RALYL: variants seen among roughly 807,000 people sequenced by gnomAD.
RALYL encodes the protein RNA-binding Raly-like protein.
RALYL carries 29 observed loss-of-function variants against 35.1 expected under a neutral mutation model. The ratio of observed to expected loss-of-function variants is 0.83; its 90% CI spans 0.61 to 1.13. RALYL has a LOEUF of 1.13. Among genes scored for constraint, RALYL ranks in the 50% most tolerant of loss-of-function variants. The pLI, the probability that RALYL is intolerant of heterozygous loss-of-function variation, is 0.00. For missense variants in RALYL, 359 were observed against 360.4 expected (o/e 1.00, Z 0.03); for synonymous variants, 120 against 127.6 (o/e 0.94, Z 0.40).
At chr8:84,303,401 A>T (rs1353418000) in intron 1 of RALYL, among the ~76,000 whole-genome samples, 1 of 152,202 alleles carries the variant, frequency 6.6e-6, no homozygotes, top group East Asian at 1.9e-4. Context: ...ATAGCTTTAC[A>T]AGTGTGTCTT....
chr8:84,356,181 T>A (rs1199326610), intron 1 of RALYL, among the ~76,000 whole-genome samples: 1 of 150,422 alleles, frequency 6.6e-6, no homozygotes, highest in Non-Finnish European at 1.5e-5. Flanking sequence ...CAATTAAACC[T>A]CTTTTCTTCA....
chr8:84,336,844 T>G (rs945809061), intron 1 of RALYL, among the ~76,000 whole-genome samples: 1 of 151,948 alleles, frequency 6.6e-6, no homozygotes, highest in Non-Finnish European at 1.5e-5. Context: ...TGATGCGCAA[T>G]GTAGTGGAGC....
At chr8:84,759,578 G>C (rs1420574258) in intron 2 of RALYL, among the ~76,000 whole-genome samples, 2 of 152,122 alleles carry the variant, frequency 1.3e-5, no homozygotes, top group Non-Finnish European at 2.9e-5. Context: ...ACTGGGTTTA[G>C]TTTAAGAAAT....
intron 1 of RALYL, among the ~76,000 whole-genome samples, chr8:84,523,930 G>A (rs1401040864): frequency 2.0e-5 from 3 of 151,966 alleles, no homozygotes; most frequent in Non-Finnish European, 4.4e-5. Context: ...GGACATTTGG[G>A]TTGGTTCTAA....
chr8:84,825,872 C>G (rs919033851), intron 4 of RALYL, among the ~76,000 whole-genome samples: 1 of 151,828 alleles, frequency 6.6e-6, no homozygotes, highest in Non-Finnish European at 1.5e-5. Context: ...TCTCAAAAAC[C>G]AAAAATATAG....
At position 84,447,373 on chromosome 8, in the gene RALYL, G is replaced by A. The variant is rs376259896; in HGVS notation, c.-23-81926G>A. Among the ~76,000 whole-genome samples the A allele has an allele frequency of 4.6e-5, 7 of 151,808 alleles. No individual in the cohort carries two copies. The East Asian group carries it at 7.8e-4, about 17-fold the overall frequency. On this transcript the variant is annotated intron_variant, in intron 1 of 8. Coordinates refer to ENST00000521268, the MANE Select transcript of RALYL (RefSeq NM_173848.7). ...TATTCCTGCATTCCTCTCTGTTTTG[G>A]GTGATACCTAAATGCGTGGCCTGCT... is the stretch of plus-strand genomic sequence containing the variant.
chr8:84,669,696 T>C (rs1388438844), intron 2 of RALYL, among the ~76,000 whole-genome samples: 2 of 152,070 alleles, frequency 1.3e-5, no homozygotes, highest in Admixed American at 1.3e-4. Context: ...CACCCTATCA[T>C]ATAAGATGGC....
chr8:84,748,080 G>GA (rs1294298738), intron 2 of RALYL, among the ~76,000 whole-genome samples: 1 of 151,956 alleles, frequency 6.6e-6, no homozygotes, highest in Non-Finnish European at 1.5e-5. Context: ...GTTTGGGTAG[G>GA]AAGGTAGAAT....
intron 8 of RALYL, among the ~76,000 whole-genome samples, chr8:84,893,160 C>T (rs1410436261): frequency 3.3e-5 from 5 of 152,136 alleles, no homozygotes; most frequent in Non-Finnish European, 7.4e-5. Flanking sequence ...GGGGTTGGAA[C>T]TTTACCTTGA....
At chr8:84,484,745 A>G (rs1375178557) in intron 1 of RALYL, among the ~76,000 whole-genome samples, 1 of 152,212 alleles carries the variant, frequency 6.6e-6, no homozygotes, top group African/African-American at 2.4e-5. Context: ...CACAAAAACA[A>G]TTAAAATTTA....
intron 5 of RALYL, among the ~76,000 whole-genome samples, chr8:84,851,836 C>A (rs1835915331): frequency 6.6e-6 from 1 of 152,344 alleles, no homozygotes; most frequent in East Asian, 1.9e-4. Context: ...CTGTTCCTCT[C>A]GCTCAGCGCC....
chr8:84,592,945 T>C (rs560488803), intron 2 of RALYL, among the ~76,000 whole-genome samples: 77 of 152,238 alleles, frequency 5.1e-4, no homozygotes, highest in Non-Finnish European at 1.0e-3. Flanking sequence ...GAGAATCAAA[T>C]CACTAAGACA....
rs190496801 is a variant in RALYL at position 84,546,382 on chromosome 8, A to C, written c.256+16805A>C. On this transcript the variant is annotated intron_variant, in intron 2 of 8. Coordinates refer to ENST00000521268, the MANE Select transcript of RALYL (RefSeq NM_173848.7). Reference sequence around the variant, plus strand: ...TGATCTGCCTAACCTCAGCCTCTCAAGATGTTGGAATTACAGGTGTGAGCC... The same window carrying C: ...TGATCTGCCTAACCTCAGCCTCTCACGATGTTGGAATTACAGGTGTGAGCC... Among the ~76,000 whole-genome samples, 11 of 152,282 alleles carry C rather than the reference A, an allele frequency of 7.2e-5. No individual in the cohort carries two copies. The East Asian group carries it at 2.1e-3, about 29-fold the overall frequency.
At chr8:84,544,814 G>A (rs2060248452) in intron 2 of RALYL, among the ~76,000 whole-genome samples, 1 of 151,674 alleles carries the variant, frequency 6.6e-6, no homozygotes. Context: ...CCATATATTT[G>A]GAATATATTT....
At chr8:84,692,741 G>C (rs921989807) in intron 2 of RALYL, among the ~76,000 whole-genome samples, 1 of 152,038 alleles carries the variant, frequency 6.6e-6, no homozygotes, top group Non-Finnish European at 1.5e-5. Flanking sequence ...GGATCTGGCT[G>C]TTTTTCTAAA....
At chr8:84,480,053 T>G (rs2053880028) in intron 1 of RALYL, among the ~76,000 whole-genome samples, 1 of 152,188 alleles carries the variant, frequency 6.6e-6, no homozygotes, top group Non-Finnish European at 1.5e-5. Flanking sequence ...TAATATCTGA[T>G]ATGTGTCGAA....
At chr8:84,191,213 T>TAC (rs1813801165) in intron 1 of RALYL, among the ~76,000 whole-genome samples, 2 of 146,590 alleles carry the variant, frequency 1.4e-5, no homozygotes, top group Non-Finnish European at 3.0e-5. Context: ...TGTGTGTGTG[T>TAC]ACAGTGATAA....
At chr8:84,881,343 G>A (rs554039959) in intron 7 of RALYL, among the ~76,000 whole-genome samples, 3 of 151,914 alleles carry the variant, frequency 2.0e-5, no homozygotes, top group Non-Finnish European at 2.9e-5. Flanking sequence ...CAAAAACAAT[G>A]ATTCAAGGAT....
intron 2 of RALYL, among the ~76,000 whole-genome samples, chr8:84,551,585 G>C (rs2135434078): frequency 6.6e-6 from 1 of 152,188 alleles, no homozygotes; most frequent in South Asian, 2.1e-4. Context: ...TTCTAGTTAA[G>C]AGGAATAGCT....
Sources: allele counts gnomAD v4.1 joint callset (sites outside exome capture counted in the v4.1 genomes callset), GRCh38; gene constraint gnomAD v4.1.1; transcripts MANE v1.5; gene names NCBI Gene and HGNC (gene_info 2026-07-23, HGNC 2026-07-21).